The following RAB7B variants were observed in gnomAD, a reference collection of about 807,000 sequenced individuals.
RAB7B encodes the protein ras-related protein Rab-7b.
rs901481708 is a variant in RAB7B at position 205,986,007 on chromosome 1, C to T, written c.397-342G>A. Among the ~76,000 whole-genome samples, 40 of 152,390 alleles carry T rather than the reference C, an allele frequency of 2.6e-4. No individual in the cohort carries two copies. In the Middle Eastern group the frequency reaches 0.01, roughly 39 times the overall value. On this transcript the variant is annotated intron_variant, in intron 4 of 5. Coordinates refer to ENST00000617070, the MANE Select transcript of RAB7B (RefSeq NM_001164522.3). ...GAGCAGGATTTGAACACAGGCCTGG[C>T]GGAATTACAGCCCACTGCACTTTGT...
At chr1:206,002,219 T>C (rs1395603106) in intron 1 of RAB7B, among the ~76,000 whole-genome samples, 1 of 152,192 alleles carries the variant, frequency 6.6e-6, no homozygotes, top group African/African-American at 2.4e-5. Flanking sequence ...ATGTTCACAA[T>C]TCCGCCTTAC....
Position 205,991,152 on chromosome 1 carries a change from G to T in RAB7B, c.396+1328C>A, listed in dbSNP as rs1440813347. Among the ~76,000 whole-genome samples the T allele has an allele frequency of 3.9e-5, 6 of 152,262 alleles. No individual in the cohort carries two copies. In the East Asian group the frequency reaches 1.2e-3, roughly 29 times the overall value. On this transcript the variant is annotated intron_variant, in intron 4 of 5. Coordinates refer to ENST00000617070, the MANE Select transcript of RAB7B (RefSeq NM_001164522.3). ...TTCTCCCTCTTCCTGCTTCACTCCT[G>T]ACAGGGTCTGAAACCAGAATTACTA...
chr1:205,994,059 C>T, intron 2 of RAB7B, 24 bp downstream of exon 2: 1 of 398,664 alleles, frequency 2.5e-6, no homozygotes, highest in Non-Finnish European at 4.4e-6. Context: ...TGCTTCCCAA[C>T]TCCCAGAGCT....
intron 5 of RAB7B, among the ~76,000 whole-genome samples, chr1:205,980,113 C>G (rs915442931): frequency 6.6e-6 from 1 of 152,206 alleles, no homozygotes; most frequent in Non-Finnish European, 1.5e-5. Context: ...AGTAATGTAC[C>G]CCGATGGCAC....
intron 4 of RAB7B, 92 bp from the exon 5 acceptor site, chr1:205,985,757 C>CCACCAGGCA: frequency 3.7e-6 from 1 of 267,390 alleles, no homozygotes; most frequent in African/African-American, 3.4e-5. Flanking sequence ...CCCATCAGGC[C>CCACCAGGCA]CACCATCCCC....
rs1171890695 is a variant in RAB7B, at chr1:205,977,245, C to T, written c.*1606G>A. The T allele has an allele frequency of 8.5e-5, 13 of 152,122 alleles. No homozygotes were observed. The highest frequency in any genetic ancestry group is 2.9e-4 in the African/African-American group (12 of 41,414). 9.4% of individuals were successfully genotyped at this position (152,122 alleles called of 1,614,324 possible). ...CTTGTCCACCCTCTCCAGGCTAGGC[C>T]CTGTCTGTGCTGCCTGGAGCCAGAA... is the stretch of plus-strand genomic sequence containing the variant. On this transcript the variant is annotated 3_prime_UTR_variant, in exon 6 of 6. Transcript: ENST00000617070.
chr1:206,002,265 C>T (rs1660903620), intron 1 of RAB7B, among the ~76,000 whole-genome samples: 1 of 152,204 alleles, frequency 6.6e-6, no homozygotes, highest in African/African-American at 2.4e-5. Context: ...CCTGCTCCCT[C>T]TGGGAAGTGT....
At chr1:205,982,476 A>G (rs2102631703) in intron 5 of RAB7B, among the ~76,000 whole-genome samples, 1 of 152,326 alleles carries the variant, frequency 6.6e-6, no homozygotes, top group South Asian at 2.1e-4. Context: ...CCCTTGCTGA[A>G]AACCCTATGA....
chr1:205,990,558 C>G (rs1660703977), intron 4 of RAB7B, among the ~76,000 whole-genome samples: 2 of 152,212 alleles, frequency 1.3e-5, no homozygotes, highest in South Asian at 4.1e-4. Context: ...GAGCAACAGG[C>G]TGGGGCTGGC....
At position 205,993,386 on chromosome 1, in the gene RAB7B, T is replaced by C. The variant is rs2102640851; in HGVS notation, c.180+34A>G. 7.5e-6 allele frequency: 3 copies of C among 398,278 alleles called. No individual in the cohort carries two copies. In the East Asian group the frequency reaches 1.1e-4, roughly 14 times the overall value. 24.7% of individuals were successfully genotyped at this position (398,278 alleles called of 1,614,324 possible). On this transcript the variant is annotated intron_variant, in intron 3 of 5. Coordinates refer to ENST00000617070, the MANE Select transcript of RAB7B (RefSeq NM_001164522.3). ...GGGCTTGGGGGGGATTTTCAGTGTA[T>C]GTATGTTGAAGAGGGAAAAGGAGGG...
At chr1:205,998,157 C>T (rs1660834876) in intron 1 of RAB7B, among the ~76,000 whole-genome samples, 1 of 152,156 alleles carries the variant, frequency 6.6e-6, no homozygotes, top group Admixed American at 6.5e-5. Context: ...AGTTCGAGAC[C>T]AGCCTGGTCA....
intron 4 of RAB7B, among the ~76,000 whole-genome samples, chr1:205,989,400 G>C (rs1056456428): frequency 6.6e-6 from 1 of 151,888 alleles, no homozygotes; most frequent in African/African-American, 2.4e-5. Context: ...CTCTACTCCC[G>C]CGAGTCACCA....
rs1031429357 is a variant in RAB7B at position 205,992,568 on chromosome 1, C to A, written c.308G>T (p.Arg103Leu). The change falls in exon 4 of 6, where the codon CGG (arginine) becomes CTG (leucine). Residue 103 changes from arginine to leucine, a missense_variant. Transcript: ENST00000617070. ...LESFEALDIW[R>L]GDVLAKIVPM... ...GACAATCTTGGCCAGGACATCACCCCGCCAGATATCCAGGGCTTCAAAAGA... is the reference window on the plus strand; with the variant it reads ...GACAATCTTGGCCAGGACATCACCCAGCCAGATATCCAGGGCTTCAAAAGA... 1.0e-5 allele frequency: 4 copies of A among 398,590 alleles called. No homozygotes were observed. Among genetic ancestry groups the A allele is most frequent in the African/African-American group, 4.1e-5 (2 of 48,634 alleles). 24.7% of individuals were successfully genotyped at this position (398,590 alleles called of 1,614,324 possible). A position where few individuals can be genotyped will look rare whatever the true frequency, so the allele number is the denominator to read the frequency against.
intron 1 of RAB7B, among the ~76,000 whole-genome samples, chr1:206,000,744 A>T (rs1660878510): frequency 6.6e-6 from 1 of 152,180 alleles, no homozygotes; most frequent in African/African-American, 2.4e-5. Context: ...ACCATGGCTG[A>T]CTTCAAGCTA....
chr1:205,989,502 TC>T (rs1660680671), intron 4 of RAB7B, among the ~76,000 whole-genome samples: 1 of 151,930 alleles, frequency 6.6e-6, no homozygotes, highest in Non-Finnish European at 1.5e-5. Flanking sequence ...AGCCGCCACC[TC>T]TCATGGTAGC....
intron 4 of RAB7B, among the ~76,000 whole-genome samples, chr1:205,991,649 C>T (rs1052406079): frequency 0.031 from 4,728 of 152,346 alleles, 95 homozygotes; most frequent in Middle Eastern, 0.054. Context: ...AATGATGCCT[C>T]ATTTCCATTG....
In RAB7B at chr1:205,976,944, A is replaced by T. The variant is rs1660387804; in HGVS notation, c.*1907T>A. 6.6e-6 allele frequency: 1 copy of T among 152,110 alleles called. No homozygotes were observed. Among genetic ancestry groups the T allele is most frequent in the South Asian group, 2.1e-4 (1 of 4,822 alleles). 9.4% of individuals were successfully genotyped at this position (152,110 alleles called of 1,614,324 possible). A position where few individuals can be genotyped will look rare whatever the true frequency, so the allele number is the denominator to read the frequency against. ...CAGGAGCTCTGAAGGACACAGATAG[A>T]GCTTGTGCTCTAGGCTGCCCCCCTG... On this transcript the variant is annotated 3_prime_UTR_variant, in exon 6 of 6. Coordinates refer to ENST00000617070, the MANE Select transcript of RAB7B (RefSeq NM_001164522.3).
At chr1:206,002,725 A>G (rs1321110740) in intron 1 of RAB7B, among the ~76,000 whole-genome samples, 1 of 152,220 alleles carries the variant, frequency 6.6e-6, no homozygotes, top group Non-Finnish European at 1.5e-5. Flanking sequence ...GTCCGACTCT[A>G]TTCATTGGCT....
In RAB7B at chr1:205,999,107, C is replaced by T. The variant is rs892649453; in HGVS notation, c.-17+4146G>A. On this transcript the variant is annotated intron_variant, in intron 1 of 5. Coordinates refer to ENST00000617070, the MANE Select transcript of RAB7B (RefSeq NM_001164522.3). ...GTAAAACTAGAATGAGACTCACACG[C>T]CTTGCTCCATAGTGCCCCTGTTAGA... Among the ~76,000 whole-genome samples, 156 of 152,268 alleles carry T rather than the reference C, an allele frequency of 1.0e-3. 1 individual carries two copies. The highest frequency in any genetic ancestry group is 1.8e-3 in the Non-Finnish European group (120 of 68,020).
Sources: allele counts gnomAD v4.1 joint callset (sites outside exome capture counted in the v4.1 genomes callset), GRCh38; gene constraint gnomAD v4.1.1; transcripts MANE v1.5; gene names NCBI Gene and HGNC (gene_info 2026-07-23, HGNC 2026-07-21).